Variants in GRIN2B observed in about 807,000 individuals in gnomAD.
The protein encoded by GRIN2B is glutamate receptor ionotropic, NMDA 2B.
In GRIN2B, 5 loss-of-function variants were observed where a neutral mutation model predicts 114.5. That is an observed-to-expected ratio of 0.04 (90% CI 0.02 to 0.09). GRIN2B has a LOEUF of 0.09. GRIN2B is among the 10% of genes least tolerant of loss of function. The pLI, the probability that GRIN2B is intolerant of heterozygous loss-of-function variation, is 1.00. For synonymous variants in GRIN2B, 787 were observed against 745.1 expected, an observed-to-expected ratio of 1.06 and a Z score of -0.92; for missense variants, 1,108 against 1,943.5, an observed-to-expected ratio of 0.57 and a Z score of 8.08.
At chr12:13,871,224 T>C (rs73296763) in intron 2 of GRIN2B, among the ~76,000 whole-genome samples, 2,056 of 152,150 alleles carry the variant, frequency 0.014, 47 homozygotes, top group African/African-American at 0.048. Flanking sequence ...AGAGAATAGA[T>C]GTTCTTTTTA....
At chr12:13,800,518 C>T (rs951695847) in intron 3 of GRIN2B, among the ~76,000 whole-genome samples, 11 of 152,158 alleles carry the variant, frequency 7.2e-5, no homozygotes, top group Non-Finnish European at 1.5e-5. Context: ...CACAAATTTA[C>T]TTAAATTTGG....
At chr12:13,827,229 C>CTTTTTTTTTTTTTTT (rs57007962) in intron 3 of GRIN2B, among the ~76,000 whole-genome samples, 17 of 98,634 alleles carry the variant, frequency 1.7e-4, no homozygotes, top group East Asian at 3.3e-4. Flanking sequence ...TTGTTGTTTT[C>CTTTTTTTTTTTTTTT]TTTTTTTTTT....
intron 5 of GRIN2B, among the ~76,000 whole-genome samples, chr12:13,675,368 A>G (rs1376315545): frequency 1.3e-5 from 2 of 152,158 alleles, no homozygotes; most frequent in Non-Finnish European, 1.5e-5. Context: ...CTTTCTTCTC[A>G]TAAATTCATC....
chr12:13,571,711 C>A, intron 11 of GRIN2B, 93 bp downstream of exon 11: 1 of 1,294,802 alleles, frequency 7.7e-7, no homozygotes, highest in Non-Finnish European at 1.1e-6. Context: ...TTTATGATAC[C>A]AAGCATGGTA....
chr12:13,670,812 G>A (rs916919492), intron 5 of GRIN2B, among the ~76,000 whole-genome samples: 2 of 152,032 alleles, frequency 1.3e-5, no homozygotes, highest in Non-Finnish European at 2.9e-5. Context: ...TACATACCAG[G>A]GAGATGTTCT....
chr12:13,746,220 A>T (rs1164501352), intron 4 of GRIN2B, among the ~76,000 whole-genome samples: 1 of 152,234 alleles, frequency 6.6e-6, no homozygotes. Flanking sequence ...AGGTAACTGC[A>T]CAGCGCTGGG....
At chr12:13,901,124 A>T (rs1340347777) in intron 2 of GRIN2B, among the ~76,000 whole-genome samples, 1 of 152,172 alleles carries the variant, frequency 6.6e-6, no homozygotes, top group East Asian at 1.9e-4. Flanking sequence ...CCTCTTCTAC[A>T]TTCTCACCAA....
At chr12:13,579,341 T>C (rs1299932495) in intron 10 of GRIN2B, among the ~76,000 whole-genome samples, 4 of 152,214 alleles carry the variant, frequency 2.6e-5, no homozygotes, top group Admixed American at 6.5e-5. Context: ...GCAGAGCTTC[T>C]GGAGTTAAGC....
intron 3 of GRIN2B, among the ~76,000 whole-genome samples, chr12:13,857,274 G>A (rs909606444): frequency 2.0e-5 from 3 of 152,120 alleles, no homozygotes; most frequent in South Asian, 2.1e-4. Flanking sequence ...GATATTTTGG[G>A]TAAGACTATT....
intron 4 of GRIN2B, among the ~76,000 whole-genome samples, chr12:13,694,318 A>C (rs2136561324): frequency 6.6e-6 from 1 of 152,254 alleles, no homozygotes; most frequent in Non-Finnish European, 1.5e-5. Flanking sequence ...TAAAAAATGA[A>C]ATTAACCAGG....
chr12:13,775,566 GT>G (rs2136650179), intron 3 of GRIN2B, among the ~76,000 whole-genome samples: 1 of 152,302 alleles, frequency 6.6e-6, no homozygotes, highest in East Asian at 1.9e-4. Flanking sequence ...GAAGAAGATA[GT>G]TTCTTAGAAA....
At chr12:13,747,634 T>C (rs535076674) in intron 4 of GRIN2B, among the ~76,000 whole-genome samples, 1 of 152,342 alleles carries the variant, frequency 6.6e-6, no homozygotes, top group East Asian at 1.9e-4. Flanking sequence ...CTGGTGCACT[T>C]CTTTAATAAG....
chr12:13,882,258 A>G (rs1278866405), intron 2 of GRIN2B, among the ~76,000 whole-genome samples: 1 of 152,204 alleles, frequency 6.6e-6, no homozygotes, highest in East Asian at 1.9e-4. Context: ...CTTTCCCAAG[A>G]GATCTGTCCT....
chr12:13,884,760 G>C (rs185595993), intron 2 of GRIN2B, among the ~76,000 whole-genome samples: 1 of 152,264 alleles, frequency 6.6e-6, no homozygotes, highest in East Asian at 1.9e-4. Flanking sequence ...AGCTGAGGAA[G>C]TTCCTTTCCG....
chr12:13,718,484 G>A (rs1056706170), intron 4 of GRIN2B, among the ~76,000 whole-genome samples: 1 of 152,014 alleles, frequency 6.6e-6, no homozygotes, highest in African/African-American at 2.4e-5. Context: ...GAAGGGGTGG[G>A]GTGAGGAGAA....
At position 13,866,109 on chromosome 12, in the gene GRIN2B, T is replaced by TG. The variant is rs398122823; in HGVS notation, c.99dup (p.Ser34GlnfsTer25). On this transcript the variant is annotated frameshift_variant, in exon 3 of 14. Transcript: ENST00000609686. LOFTEE classifies it high-confidence loss of function. ...ACGAGGATGACAGCAATGCCAATGC[T>TG]GGGGGGGCTCTTCTGAGAACGAGCT... 5.0e-6 allele frequency: 8 copies of TG among 1,613,622 alleles called. No homozygotes were observed. The highest frequency in any genetic ancestry group is 8.5e-7 in the Non-Finnish European group (1 of 1,179,920).
chr12:13,805,418 A>G (rs1864584071), intron 3 of GRIN2B, among the ~76,000 whole-genome samples: 1 of 152,190 alleles, frequency 6.6e-6, no homozygotes, highest in Non-Finnish European at 1.5e-5. Context: ...AAACTACAAG[A>G]TGGTATTGTT....
chr12:13,897,292 A>T (rs553554408), intron 2 of GRIN2B, among the ~76,000 whole-genome samples: 4 of 152,080 alleles, frequency 2.6e-5, no homozygotes, highest in Non-Finnish European at 4.4e-5. Flanking sequence ...CACCTGTCCA[A>T]ATTACCCCAT....
rs957989185 is a variant in GRIN2B, at chr12:13,549,320, C to G, written c.*13463G>C. ...TTTTGGAGCCCCCATGCTTCCCTTT[C>G]TTCAGGATTTTGGCAGGCAGTAATT... On this transcript the variant is annotated 3_prime_UTR_variant, in exon 14 of 14. Coordinates refer to ENST00000609686, the MANE Select transcript of GRIN2B (RefSeq NM_000834.5). 1 of 152,284 alleles carries G rather than the reference C, an allele frequency of 6.6e-6. No individual in the cohort carries two copies. Among genetic ancestry groups the G allele is most frequent in the African/African-American group, 2.4e-5 (1 of 41,554 alleles). The allele number at this position is 152,284 out of a possible 1,614,324, so 9.4% of individuals were successfully genotyped here.
Sources: allele counts gnomAD v4.1 joint callset (sites outside exome capture counted in the v4.1 genomes callset), GRCh38; gene constraint gnomAD v4.1.1; transcripts MANE v1.5; gene names NCBI Gene and HGNC (gene_info 2026-07-23, HGNC 2026-07-21).